Variants in PRKCA observed in about 807,000 individuals in gnomAD.
PRKCA encodes protein kinase C alpha.
A neutral mutation model predicts 87.0 loss-of-function variants in PRKCA; 27 were observed. That is an observed-to-expected ratio of 0.31 (90% CI 0.23 to 0.43). The LOEUF is 0.43. Ranked by LOEUF, PRKCA falls within the 20% of genes least tolerant of loss-of-function variation. The probability of loss-of-function intolerance (pLI) is 1.00; values close to 1 mark genes in which losing one functional copy is unlikely to be tolerated. For missense variants in PRKCA, 518 were observed against 852.3 expected (o/e 0.61, Z 4.88); for synonymous variants, 329 against 311.1 (o/e 1.06, Z -0.61).
At chr17:66,797,967 G>A (rs1975706992) in intron 16 of PRKCA, among the ~76,000 whole-genome samples, 1 of 152,254 alleles carries the variant, frequency 6.6e-6, no homozygotes, top group African/African-American at 2.4e-5. Flanking sequence ...GCCATGTGCT[G>A]TTGGGTGGCC....
At chr17:66,769,755 C>T (rs192819376) in intron 13 of PRKCA, among the ~76,000 whole-genome samples, 8 of 152,336 alleles carry the variant, frequency 5.3e-5, no homozygotes, top group Admixed American at 2.6e-4. Flanking sequence ...TTTTAGAGAA[C>T]AGCCCTAAGC....
intron 2 of PRKCA, among the ~76,000 whole-genome samples, chr17:66,310,808 G>A (rs979359562): frequency 1.3e-5 from 2 of 152,170 alleles, no homozygotes; most frequent in African/African-American, 4.8e-5. Flanking sequence ...AAAGGGATGC[G>A]CCGTTGTCCT....
At chr17:66,554,789 A>T (rs755100752) in intron 3 of PRKCA, among the ~76,000 whole-genome samples, 2 of 151,916 alleles carry the variant, frequency 1.3e-5, no homozygotes, top group African/African-American at 2.4e-5. Flanking sequence ...AGTTGGGATT[A>T]TCTGTTGCCT....
chr17:66,494,880 A>T (rs1916402724), intron 2 of PRKCA, among the ~76,000 whole-genome samples: 1 of 152,122 alleles, frequency 6.6e-6, no homozygotes, highest in South Asian at 2.1e-4. Flanking sequence ...AGGTGGACAG[A>T]TTGCTTGAGC....
chr17:66,622,349 A>C (rs1970710710), intron 3 of PRKCA, among the ~76,000 whole-genome samples: 2 of 152,260 alleles, frequency 1.3e-5, no homozygotes, highest in Admixed American at 6.5e-5. Flanking sequence ...GAGGAAAGCC[A>C]ATTACAAACA....
At chr17:66,570,529 G>A (rs1052518192) in intron 3 of PRKCA, among the ~76,000 whole-genome samples, 2 of 152,196 alleles carry the variant, frequency 1.3e-5, no homozygotes, top group Non-Finnish European at 2.9e-5. Context: ...GCTACTGTCT[G>A]TGATGCCTGC....
chr17:66,576,533 T>C (rs944342286), intron 3 of PRKCA, among the ~76,000 whole-genome samples: 2 of 152,238 alleles, frequency 1.3e-5, no homozygotes, highest in Non-Finnish European at 2.9e-5. Context: ...TGTAATTTGA[T>C]TCCTATTGGT....
At chr17:66,483,428 G>A (rs1260018982) in intron 2 of PRKCA, among the ~76,000 whole-genome samples, 1 of 136,230 alleles carries the variant, frequency 7.3e-6, no homozygotes, top group African/African-American at 2.6e-5. Flanking sequence ...GTGTGTTTAT[G>A]TCCAAATTTC....
chr17:66,611,276 A>C (rs227913), intron 3 of PRKCA, among the ~76,000 whole-genome samples: 49,169 of 152,018 alleles, frequency 0.32, 8,040 homozygotes, highest in South Asian at 0.41. Flanking sequence ...TACAAATGCT[A>C]CCATAATCTA....
chr17:66,352,765 T>C (rs146008555), intron 2 of PRKCA, among the ~76,000 whole-genome samples: 1 of 151,966 alleles, frequency 6.6e-6, no homozygotes, highest in African/African-American at 2.4e-5. Flanking sequence ...GGTTTCACCA[T>C]GTTGACCAGG....
intron 3 of PRKCA, among the ~76,000 whole-genome samples, chr17:66,608,799 T>C (rs1165987659): frequency 6.6e-6 from 1 of 152,212 alleles, no homozygotes; most frequent in Admixed American, 6.5e-5. Flanking sequence ...GAGTTGATTG[T>C]TGTGTTAGCT....
intron 3 of PRKCA, among the ~76,000 whole-genome samples, chr17:66,521,727 A>C (rs1169091687): frequency 6.6e-6 from 1 of 152,238 alleles, no homozygotes; most frequent in Non-Finnish European, 1.5e-5. Flanking sequence ...AAAGAAGACC[A>C]GTCTCAGCCA....
chr17:66,726,078 C>G (rs772873777), intron 8 of PRKCA, among the ~76,000 whole-genome samples: 1 of 152,122 alleles, frequency 6.6e-6, no homozygotes, highest in East Asian at 1.9e-4. Flanking sequence ...ACCTCGGGCT[C>G]CCTCTGCAGG....
At chr17:66,486,691 G>A (rs375340050) in intron 2 of PRKCA, among the ~76,000 whole-genome samples, 8 of 151,900 alleles carry the variant, frequency 5.3e-5, no homozygotes, top group African/African-American at 7.2e-5. Flanking sequence ...ACAGTCCCCC[G>A]TTGTCTTTTG....
intron 2 of PRKCA, among the ~76,000 whole-genome samples, chr17:66,388,569 A>G (rs1910192234): frequency 6.6e-6 from 1 of 152,198 alleles, no homozygotes; most frequent in South Asian, 2.1e-4. Context: ...GCTTAGGATT[A>G]CAGGCATGAG....
chr17:66,348,469 A>G (rs1182563478), intron 2 of PRKCA, among the ~76,000 whole-genome samples: 1 of 152,132 alleles, frequency 6.6e-6, no homozygotes, highest in Non-Finnish European at 1.5e-5. Flanking sequence ...GTGGCTCAGT[A>G]TTATCATTAA....
chr17:66,467,090 C>T (rs955144530), intron 2 of PRKCA, among the ~76,000 whole-genome samples: 1 of 152,172 alleles, frequency 6.6e-6, no homozygotes, highest in Non-Finnish European at 1.5e-5. Flanking sequence ...TTGTTCAACA[C>T]ATTATTTTCC....
At chr17:66,651,432 AC>A in intron 5 of PRKCA, among the ~76,000 whole-genome samples, 1 of 152,324 alleles carries the variant, frequency 6.6e-6, no homozygotes, top group South Asian at 2.1e-4. Flanking sequence ...CCTGAGATTC[AC>A]AGTGAGCAGA....
chr17:66,649,715 T>C (rs1971542322), intron 5 of PRKCA, among the ~76,000 whole-genome samples: 1 of 152,204 alleles, frequency 6.6e-6, no homozygotes, highest in Non-Finnish European at 1.5e-5. Flanking sequence ...ACAAAGTTTT[T>C]TGAGGTCACG....
Sources: allele counts gnomAD v4.1 joint callset (sites outside exome capture counted in the v4.1 genomes callset), GRCh38; gene constraint gnomAD v4.1.1; transcripts MANE v1.5; gene names NCBI Gene and HGNC (gene_info 2026-07-23, HGNC 2026-07-21).